IL34: variants seen among roughly 807,000 people sequenced by gnomAD.
IL34 encodes the protein interleukin 34, also known as interleukin-34.
IL34 carries 17 observed loss-of-function variants against 25.3 expected under a neutral mutation model. The ratio of observed to expected loss-of-function variants is 0.67; its 90% CI spans 0.46 to 1.01. The LOEUF is 1.01. Among genes scored for constraint, IL34 ranks in the 50% least tolerant of loss-of-function variants. IL34 has a pLI of 0.00. For synonymous variants in IL34, 174 were observed against 140.9 expected, an observed-to-expected ratio of 1.23 and a Z score of -1.66; for missense variants, 368 against 312.9, an observed-to-expected ratio of 1.18 and a Z score of -1.33.
At chr16:70,639,419 A>G (rs367888532) in intron 1 of IL34, among the ~76,000 whole-genome samples, 1 of 152,210 alleles carries the variant, frequency 6.6e-6, no homozygotes, top group South Asian at 2.1e-4. Context: ...TTGATCTGCT[A>G]CTGCCTCTGC....
chr16:70,605,789 G>A (rs1325709962), intron 1 of IL34, among the ~76,000 whole-genome samples: 1 of 151,794 alleles, frequency 6.6e-6, no homozygotes, highest in South Asian at 2.1e-4. Context: ...TCCTGCCTCA[G>A]CCTCCTGAGT....
chr16:70,592,093 C>T lies in IL34; in HGVS notation c.-401+12044C>T, dbSNP rs867481857. 1.9e-4 allele frequency among the ~76,000 whole-genome samples: 29 copies of T among 152,168 alleles called. 1 individual carries two copies. Among genetic ancestry groups the T allele is most frequent in the South Asian group, 1.0e-3 (5 of 4,826 alleles). Reference sequence around the variant, plus strand: ...GGTGGTCCTTCTACTCCCCCCACCACCTGCTCCAGGTTCATTCTTGTCTCT... The same window carrying T: ...GGTGGTCCTTCTACTCCCCCCACCATCTGCTCCAGGTTCATTCTTGTCTCT... On this transcript the variant is annotated intron_variant, in intron 1 of 6. Coordinates refer to the IL34 transcript ENST00000429149.
At chr16:70,644,055 A>G (rs190061535), upstream of IL34, among the ~76,000 whole-genome samples, 1 of 151,732 alleles carries the variant, frequency 6.6e-6, no homozygotes, top group Admixed American at 6.6e-5. Flanking sequence ...GCTCACTGCA[A>G]CCTCCGCCTC....
intron 1 of IL34, among the ~76,000 whole-genome samples, chr16:70,591,983 G>A (rs894055834): frequency 3.3e-5 from 5 of 151,914 alleles, no homozygotes; most frequent in African/African-American, 4.8e-5. Flanking sequence ...GGGGGCCCTG[G>A]TAGTACTAGG....
intron 1 of IL34, among the ~76,000 whole-genome samples, chr16:70,620,411 A>C (rs2051255254): frequency 6.6e-6 from 1 of 151,578 alleles, no homozygotes; most frequent in South Asian, 2.1e-4. Context: ...TCACGCAACG[A>C]AACTGTAAGC....
At chr16:70,640,870 G>A (rs575974268) in intron 1 of IL34, among the ~76,000 whole-genome samples, 1 of 151,960 alleles carries the variant, frequency 6.6e-6, no homozygotes, top group African/African-American at 2.4e-5. Context: ...CCCCATTTTG[G>A]GATGTCACCG....
intron 1 of IL34, among the ~76,000 whole-genome samples, chr16:70,640,062 A>G (rs1214873722): frequency 6.6e-6 from 1 of 152,236 alleles, no homozygotes; most frequent in African/African-American, 2.4e-5. Context: ...AACTTTAGAA[A>G]GAATAAATTT....
chr16:70,598,407 C>G (rs755418104), intron 1 of IL34, among the ~76,000 whole-genome samples: 12 of 152,094 alleles, frequency 7.9e-5, no homozygotes, highest in Non-Finnish European at 1.6e-4. Flanking sequence ...CAAGAACCTG[C>G]ACTGCTCCTG....
intron 1 of IL34, among the ~76,000 whole-genome samples, chr16:70,596,197 G>T (rs957367401): frequency 2.0e-5 from 3 of 152,008 alleles, no homozygotes; most frequent in African/African-American, 7.3e-5. Flanking sequence ...ATCTCTCTGG[G>T]GTCTCTTTTA....
intron 1 of IL34, among the ~76,000 whole-genome samples, chr16:70,596,068 ATTG>A (rs1369932602): frequency 2.0e-5 from 3 of 151,576 alleles, no homozygotes; most frequent in African/African-American, 7.3e-5. Context: ...ACAGAAGTGT[ATTG>A]TTCTAGAGCC....
rs1597784459 is a variant in IL34 at position 70,659,534 on chromosome 16, C to T, written c.403-84C>T. 1.4e-5 allele frequency: 21 copies of T among 1,486,966 alleles called. No individual in the cohort carries two copies. In the East Asian group the frequency reaches 4.6e-4, roughly 33 times the overall value. 92.1% of individuals were successfully genotyped at this position (1,486,966 alleles called of 1,614,324 possible). A position where few individuals can be genotyped will look rare whatever the true frequency, so the allele number is the denominator to read the frequency against. ...GGTCCTTCTTCCGGGGTTTGGGCAG[C>T]TCCAGGTGACTGGACAGCCCTCACG... On this transcript the variant is annotated intron_variant, in intron 4 of 5. Coordinates refer to ENST00000288098, the MANE Select transcript of IL34 (RefSeq NM_001393494.1).
rs555905641 is a variant in IL34, at chr16:70,580,519, C to T, written c.-401+470C>T. Among the ~76,000 whole-genome samples the T allele has an allele frequency of 2.5e-3, 376 of 152,320 alleles. 1 individual carries two copies. The highest frequency in any genetic ancestry group is 4.1e-3 in the Non-Finnish European group (278 of 68,034). ...ACTTGGCCAGGCGCAGTGGCTCACG[C>T]CTGTAATCTGTAATCCCAGCACTCT... On this transcript the variant is annotated intron_variant, in intron 1 of 6. Coordinates refer to the IL34 transcript ENST00000429149.
chr16:70,619,320 A>G (rs185396682), intron 1 of IL34, among the ~76,000 whole-genome samples: 8 of 151,578 alleles, frequency 5.3e-5, no homozygotes, highest in East Asian at 1.9e-4. Flanking sequence ...AAGGTGGGGG[A>G]ATACAAGAGG....
intron 4 of IL34, among the ~76,000 whole-genome samples, chr16:70,659,160 G>C (rs1993449): frequency 0.98 from 148,802 of 152,224 alleles, 72,748 homozygotes; most frequent in East Asian, 1. Flanking sequence ...TGGAGAGAAA[G>C]CACCCCAGCT....
chr16:70,599,672 C>T (rs571789483), intron 1 of IL34, among the ~76,000 whole-genome samples: 9 of 146,398 alleles, frequency 6.1e-5, no homozygotes, highest in Non-Finnish European at 1.3e-4. Context: ...CCACTGCACC[C>T]GGTCTTTTTT....
intron 1 of IL34, among the ~76,000 whole-genome samples, chr16:70,616,623 A>G (rs573405426): frequency 6.6e-6 from 1 of 152,278 alleles, no homozygotes; most frequent in East Asian, 1.9e-4. Context: ...TAGTTCTTAT[A>G]GGTTTTGGGA....
At chr16:70,626,152 G>A (rs544810892) in intron 1 of IL34, among the ~76,000 whole-genome samples, 2 of 152,258 alleles carry the variant, frequency 1.3e-5, no homozygotes, top group Admixed American at 6.5e-5. Context: ...TACATTGTTG[G>A]CTTTTTCTTT....
At chr16:70,611,490 T>C (rs556382898) in intron 1 of IL34, among the ~76,000 whole-genome samples, 1 of 152,250 alleles carries the variant, frequency 6.6e-6, no homozygotes, top group East Asian at 1.9e-4. Context: ...TGTGGTGCTA[T>C]TTAAAAACAG....
chr16:70,637,806 T>C (rs1416259360), intron 1 of IL34, among the ~76,000 whole-genome samples: 1 of 152,228 alleles, frequency 6.6e-6, no homozygotes, highest in Non-Finnish European at 1.5e-5. Flanking sequence ...TTGATTCTCA[T>C]AGTTGCTGCA....
Sources: gnomAD v4.1 joint callset for allele counts (sites outside exome capture counted in the v4.1 genomes callset) on GRCh38, gnomAD v4.1.1 for gene constraint, MANE v1.5 for transcripts, NCBI Gene and HGNC (gene_info 2026-07-23, HGNC 2026-07-21) for gene names.